Variants in HPRT1 observed in about 807,000 individuals in gnomAD.
HPRT1 encodes the protein hypoxanthine-guanine phosphoribosyltransferase.
HPRT1 carries 4 observed loss-of-function variants against 19.0 expected under a neutral mutation model. That is an observed-to-expected ratio of 0.21 (90% CI 0.10 to 0.48). The LOEUF (loss-of-function observed/expected upper bound fraction) is 0.48. HPRT1 is among the 20% of genes least tolerant of loss of function. The pLI, the probability that HPRT1 is intolerant of heterozygous loss-of-function variation, is 0.98. For missense variants in HPRT1, 65 were observed against 164.0 expected, an observed-to-expected ratio of 0.40 and a Z score of 3.30; for synonymous variants, 53 against 54.9, an observed-to-expected ratio of 0.97 and a Z score of 0.15.
intron 2 of HPRT1, 82 bp from the exon 3 acceptor site, chrX:134,475,099 G>A (rs1394181343): frequency 1.3e-6 from 1 of 779,015 alleles, no homozygotes; most frequent in African/African-American, 2.0e-5. Context: ...AGGTTGGTGT[G>A]GAAGTTTAAT....
rs771235718 is a variant in HPRT1, at chrX:134,475,118, G to A, written c.135-63G>A. Reference sequence around the variant, plus strand: ...TGGTGTGGAAGTTTAATGACTAAGAGGTGTTTGTTATAAAGTTTAATGTAT... The same window carrying A: ...TGGTGTGGAAGTTTAATGACTAAGAAGTGTTTGTTATAAAGTTTAATGTAT... On this transcript the variant is annotated intron_variant, in intron 2 of 8. Coordinates refer to ENST00000298556, the MANE Select transcript of HPRT1 (RefSeq NM_000194.3). The A allele has an allele frequency of 1.0e-4, 93 of 886,342 alleles. No individual in the cohort carries two copies. In the East Asian group the frequency reaches 2.8e-3, roughly 27 times the overall value. The allele number at this position is 886,342 out of a possible 1,213,427, so 73.0% of individuals were successfully genotyped here. A position where few individuals can be genotyped will look rare whatever the true frequency, so the allele number is the denominator to read the frequency against.
At chrX:134,462,816 G>T (rs1020980362) in intron 1 of HPRT1, among the ~76,000 whole-genome samples, 19 of 111,734 alleles carry the variant, frequency 1.7e-4, no homozygotes, top group African/African-American at 5.9e-4. Flanking sequence ...TGCTTAAATG[G>T]TGCTATGTGC....
chrX:134,498,069 A>G (rs964504508), intron 6 of HPRT1, among the ~76,000 whole-genome samples: 1 of 112,130 alleles, frequency 8.9e-6, no homozygotes, highest in African/African-American at 3.2e-5. Context: ...TTGCTCATTG[A>G]CACTCTGTAC....
intron 5 of HPRT1, among the ~76,000 whole-genome samples, chrX:134,492,303 T>C (rs1037013427): frequency 9.1e-6 from 1 of 110,244 alleles, no homozygotes; most frequent in Non-Finnish European, 1.9e-5. Context: ...GATCTTATTT[T>C]TTTTGAGAAA....
At chrX:134,465,385 A>G (rs901793463) in intron 1 of HPRT1, among the ~76,000 whole-genome samples, 2 of 111,629 alleles carry the variant, frequency 1.8e-5, no homozygotes, top group Admixed American at 9.6e-5. Flanking sequence ...AAATGTTTAC[A>G]TGAAGGCCAT....
chrX:134,474,187 A>G (rs1364136351), intron 2 of HPRT1, among the ~76,000 whole-genome samples: 1 of 111,879 alleles, frequency 8.9e-6, no homozygotes, highest in Non-Finnish European at 1.9e-5. Flanking sequence ...AGATACCATA[A>G]CTGATTTAAC....
At chrX:134,476,782 C>A (rs1453569116) in intron 3 of HPRT1, among the ~76,000 whole-genome samples, 1 of 110,981 alleles carries the variant, frequency 9.0e-6, no homozygotes, top group East Asian at 2.8e-4. Flanking sequence ...GTTATAAGAT[C>A]AATTCTGAGT....
intron 1 of HPRT1, among the ~76,000 whole-genome samples, chrX:134,469,582 C>T (rs754308070): frequency 2.2e-4 from 25 of 111,719 alleles, no homozygotes; most frequent in African/African-American, 7.8e-4. Context: ...AATTCTTAGT[C>T]GATCTGCAGA....
chrX:134,476,190 C>T (rs1342977272), intron 3 of HPRT1, among the ~76,000 whole-genome samples: 1 of 111,907 alleles, frequency 8.9e-6, no homozygotes, highest in Non-Finnish European at 1.9e-5. Context: ...AATAAGACCA[C>T]TTATCTACAT....
chrX:134,475,674 G>A (rs1186853132), intron 3 of HPRT1, among the ~76,000 whole-genome samples: 2 of 111,722 alleles, frequency 1.8e-5, no homozygotes, highest in Non-Finnish European at 1.9e-5. Context: ...GAGCTACATC[G>A]GTTTGTGGGG....
intron 1 of HPRT1, among the ~76,000 whole-genome samples, chrX:134,470,539 G>A (rs2077607939): frequency 8.9e-6 from 1 of 111,733 alleles, no homozygotes; most frequent in African/African-American, 3.2e-5. Flanking sequence ...GGTACTAACT[G>A]ATATATTGAG....
In HPRT1 at chrX:134,498,265, G is replaced by A; in HGVS notation, c.486-125G>A. ...CATTTCATAGTCTTTCCTTGGGTGT[G>A]TTAAAAGTGACCATGGTACACTCAG... On this transcript the variant is annotated intron_variant, in intron 6 of 8. Transcript: ENST00000298556. 7 of 598,701 alleles carry A rather than the reference G, an allele frequency of 1.2e-5. No individual in the cohort carries two copies. In the Admixed American group the frequency reaches 1.6e-4, roughly 14 times the overall value. The allele number at this position is 598,701 out of a possible 1,213,427, so 49.3% of individuals were successfully genotyped here. A position where few individuals can be genotyped will look rare whatever the true frequency, so the allele number is the denominator to read the frequency against.
At chrX:134,498,737 T>G (rs1052743076) in intron 8 of HPRT1, 53 bp downstream of exon 8, 10 of 813,229 alleles carry the variant, frequency 1.2e-5, no homozygotes, top group Non-Finnish European at 1.7e-5. Flanking sequence ...CATAAAAATT[T>G]AGGAAAGAGA....
At chrX:134,476,564 TG>T (rs1322923817) in intron 3 of HPRT1, among the ~76,000 whole-genome samples, 1 of 111,981 alleles carries the variant, frequency 8.9e-6, no homozygotes, top group Non-Finnish European at 1.9e-5. Flanking sequence ...AATACATTGC[TG>T]CTTAGAGTCA....
intron 1 of HPRT1, among the ~76,000 whole-genome samples, chrX:134,465,705 G>GTCAGATTT (rs1463484301): frequency 1.8e-5 from 2 of 112,544 alleles, no homozygotes; most frequent in Non-Finnish European, 3.7e-5. Flanking sequence ...AGGAGATGCA[G>GTCAGATTT]TCAGATTTCT....
intron 1 of HPRT1, among the ~76,000 whole-genome samples, chrX:134,463,751 T>C (rs902481717): frequency 8.9e-6 from 1 of 111,969 alleles, no homozygotes; most frequent in African/African-American, 3.3e-5. Context: ...AGTGAAGATA[T>C]GTTGAAGTTG....
chrX:134,471,203 T>G (rs1251609179), intron 1 of HPRT1, among the ~76,000 whole-genome samples: 1 of 111,673 alleles, frequency 9.0e-6, no homozygotes, highest in Non-Finnish European at 1.9e-5. Context: ...AAAAGTGATA[T>G]ATATTCATTG....
intron 1 of HPRT1, among the ~76,000 whole-genome samples, chrX:134,461,945 T>C (rs1264657327): frequency 1.8e-5 from 2 of 111,934 alleles, no homozygotes; most frequent in African/African-American, 6.5e-5. Flanking sequence ...TGATTTTTCA[T>C]CTCTAAACAT....
At chrX:134,492,612 C>T (rs2077670664) in intron 5 of HPRT1, 12 of 311,645 alleles carry the variant, frequency 3.9e-5, no homozygotes, top group South Asian at 3.5e-4. Flanking sequence ...GGCTCATGCC[C>T]TAGCCCATGA....
Sources: gnomAD v4.1 joint callset for allele counts (sites outside exome capture counted in the v4.1 genomes callset) on GRCh38, gnomAD v4.1.1 for gene constraint, MANE v1.5 for transcripts, NCBI Gene and HGNC (gene_info 2026-07-23, HGNC 2026-07-21) for gene names.